The following STXBP5 variants were observed in gnomAD, a reference collection of about 807,000 sequenced individuals.
The protein encoded by STXBP5 is syntaxin binding protein 5.
In STXBP5, 50 loss-of-function variants were observed where a neutral mutation model predicts 152.4. The ratio of observed to expected loss-of-function variants is 0.33; its 90% confidence interval spans 0.26 to 0.42. STXBP5 has a LOEUF of 0.42. Among genes scored for constraint, STXBP5 ranks in the 10% least tolerant of loss-of-function variants. The pLI is 1.00. For missense variants in STXBP5, 1,167 were observed against 1,388.6 expected (o/e 0.84, Z 2.54); for synonymous variants, 492 against 494.7 (o/e 0.99, Z 0.07).
At chr6:147,213,573 C>T (rs1261595615) in intron 2 of STXBP5, among the ~76,000 whole-genome samples, 1 of 151,570 alleles carries the variant, frequency 6.6e-6, no homozygotes, top group African/African-American at 2.4e-5. Context: ...CCCCTGGGCT[C>T]AAGCTGGGAT....
intron 6 of STXBP5, among the ~76,000 whole-genome samples, chr6:147,266,080 C>T (rs982436567): frequency 1.3e-4 from 19 of 151,802 alleles, no homozygotes; most frequent in African/African-American, 4.1e-4. Flanking sequence ...GCCCAGGTAG[C>T]GAGGCAGCAT....
At chr6:147,252,026 G>A (rs754588194) in intron 4 of STXBP5, among the ~76,000 whole-genome samples, 12 of 152,110 alleles carry the variant, frequency 7.9e-5, no homozygotes, top group Admixed American at 2.0e-4. Context: ...GAAAGGAATA[G>A]CATCAACATC....
At chr6:147,352,879 A>T (rs754004338) in intron 21 of STXBP5, among the ~76,000 whole-genome samples, 1 of 152,168 alleles carries the variant, frequency 6.6e-6, no homozygotes, top group Non-Finnish European at 1.5e-5. Context: ...ACTTTTAAAA[A>T]GTTGGCCAGG....
chr6:147,207,683 T>C (rs879681022), intron 2 of STXBP5, among the ~76,000 whole-genome samples: 27 of 152,158 alleles, frequency 1.8e-4, no homozygotes, highest in Non-Finnish European at 3.2e-4. Context: ...TTCTTTTTTT[T>C]CCCAACAAGA....
intron 23 of STXBP5, among the ~76,000 whole-genome samples, chr6:147,360,574 CA>C (rs1205400141): frequency 6.6e-6 from 1 of 151,902 alleles, no homozygotes; most frequent in East Asian, 1.9e-4. Context: ...ATACCTCAAG[CA>C]AAAGAATGCT....
intron 25 of STXBP5, among the ~76,000 whole-genome samples, chr6:147,367,830 C>T (rs1053383793): frequency 6.6e-5 from 10 of 151,810 alleles, no homozygotes; most frequent in African/African-American, 2.4e-4. Context: ...TAAGAGAAGT[C>T]TCATTACTAT....
At chr6:147,341,656 T>C (rs373303076) in intron 21 of STXBP5, among the ~76,000 whole-genome samples, 1 of 152,046 alleles carries the variant, frequency 6.6e-6, no homozygotes, top group East Asian at 1.9e-4. Context: ...CTGCTGCTGG[T>C]GTCAGTTTGT....
chr6:147,232,365 A>G (rs750638381), intron 2 of STXBP5, among the ~76,000 whole-genome samples: 4 of 151,834 alleles, frequency 2.6e-5, no homozygotes, highest in Non-Finnish European at 5.9e-5. Flanking sequence ...AACTACCAGG[A>G]TAGGGAACTA....
intron 2 of STXBP5, among the ~76,000 whole-genome samples, chr6:147,230,472 G>A (rs1427318744): frequency 6.6e-6 from 1 of 151,790 alleles, no homozygotes; most frequent in Non-Finnish European, 1.5e-5. Context: ...TATCTAATTG[G>A]TGTATGATGT....
In STXBP5 at chr6:147,382,861, G is replaced by A. The variant is rs984071051; in HGVS notation, c.3277G>A (p.Ala1093Thr). ...GPGGIEGVKG[A>T]ASGVVGELAR... ...TGGTGGCATTGAAGGCGTAAAAGGG[G>A]CAGCATCTGGAGTTGTTGGTGAATT... The change falls in exon 27 of 28, where the codon GCA becomes ACA. Residue 1093 changes from alanine (A) to threonine (T), a missense_variant. Physicochemically the swap from Ala to Thr is moderately conservative, Grantham distance 58. Transcript: ENST00000321680. The A allele has an allele frequency of 6.2e-7, 1 of 1,613,394 alleles. No homozygotes were observed. Among genetic ancestry groups the A allele is most frequent in the Non-Finnish European group, 8.5e-7 (1 of 1,179,672 alleles).
chr6:147,318,326 T>C (rs1212542038), intron 16 of STXBP5, among the ~76,000 whole-genome samples: 1 of 152,090 alleles, frequency 6.6e-6, no homozygotes, highest in Non-Finnish European at 1.5e-5. Flanking sequence ...TTGTCCTCTG[T>C]TCTTAGAAAG....
At chr6:147,335,438 G>A (rs113977845) in intron 19 of STXBP5, among the ~76,000 whole-genome samples, 2 of 152,224 alleles carry the variant, frequency 1.3e-5, no homozygotes, top group African/African-American at 4.8e-5. Flanking sequence ...ATAAGCCAGG[G>A]TGAACAATTT....
chr6:147,379,184 A>G (rs572129739), intron 26 of STXBP5, among the ~76,000 whole-genome samples: 63 of 152,192 alleles, frequency 4.1e-4, no homozygotes, highest in African/African-American at 1.5e-3. Context: ...GATGAACTCT[A>G]TGTCTGGGTC....
intron 26 of STXBP5, among the ~76,000 whole-genome samples, chr6:147,380,378 G>A (rs1583018715): frequency 6.7e-6 from 1 of 149,056 alleles, no homozygotes; most frequent in East Asian, 2.0e-4. Context: ...TTTTTTACAA[G>A]GACGCCAAGA....
At chr6:147,223,564 T>C (rs534245018) in intron 2 of STXBP5, among the ~76,000 whole-genome samples, 2 of 152,328 alleles carry the variant, frequency 1.3e-5, no homozygotes, top group East Asian at 3.9e-4. Flanking sequence ...AGGTAATGCT[T>C]AATTATACTT....
At chr6:147,282,519 G>A (rs1444208615) in intron 8 of STXBP5, among the ~76,000 whole-genome samples, 1 of 152,122 alleles carries the variant, frequency 6.6e-6, no homozygotes, top group Non-Finnish European at 1.5e-5. Flanking sequence ...AAGCTACAAA[G>A]TTTAGTGAAT....
intron 6 of STXBP5, among the ~76,000 whole-genome samples, chr6:147,262,633 C>T (rs1334447917): frequency 6.6e-6 from 1 of 151,840 alleles, no homozygotes; most frequent in African/African-American, 2.4e-5. Context: ...ACTGTTTTCC[C>T]TGATTTTCTG....
At chr6:147,291,039 A>G in intron 8 of STXBP5, 55 bp from the exon 9 acceptor site, 1 of 1,326,068 alleles carries the variant, frequency 7.5e-7, no homozygotes, top group East Asian at 2.4e-5. Context: ...CTATCAATGT[A>G]AGAATGTAGA....
intron 4 of STXBP5, among the ~76,000 whole-genome samples, chr6:147,253,981 C>T (rs1401076460): frequency 1.3e-5 from 2 of 152,010 alleles, no homozygotes; most frequent in African/African-American, 4.8e-5. Context: ...CCCGTATAGC[C>T]AAGACAATCC....
Sources: allele counts gnomAD v4.1 joint callset (sites outside exome capture counted in the v4.1 genomes callset), GRCh38; gene constraint gnomAD v4.1.1; transcripts MANE v1.5; gene names NCBI Gene and HGNC (gene_info 2026-07-23, HGNC 2026-07-21).